Variants in ZNF236 observed in about 807,000 individuals in gnomAD.
ZNF236 encodes the protein zinc finger protein 236.
Under a neutral mutation model 191.2 loss-of-function variants are expected in ZNF236, and 50 were observed. The observed-to-expected ratio is 0.26, with a 90% confidence interval of 0.21 to 0.33. ZNF236 has a LOEUF of 0.33. Among genes scored for constraint, ZNF236 ranks in the 10% least tolerant of loss-of-function variants. ZNF236 has a pLI of 1.00. For missense variants in ZNF236, 1,754 were observed against 2,374.5 expected, an observed-to-expected ratio of 0.74 and a Z score of 5.43; for synonymous variants, 907 against 928.8, an observed-to-expected ratio of 0.98 and a Z score of 0.43.
chr18:76,905,566 A>AAAAAG, intron 13 of ZNF236, 151 bp downstream of exon 13: 1 of 76,022 alleles, frequency 1.3e-5, no homozygotes, highest in Non-Finnish European at 2.0e-5. Flanking sequence ...AAAAAAAAAA[A>AAAAAG]AAAAGAAATG....
intron 26 of ZNF236, among the ~76,000 whole-genome samples, chr18:76,943,926 A>G (rs1333760698): frequency 1.3e-5 from 2 of 152,358 alleles, no homozygotes; most frequent in Non-Finnish European, 2.9e-5. Context: ...AACTGCTAAG[A>G]AAAATATTTC....
chr18:76,912,401 C>A, intron 17 of ZNF236, 54 bp downstream of exon 17: 1 of 1,378,986 alleles, frequency 7.3e-7, no homozygotes, highest in Non-Finnish European at 1.0e-6. Context: ...GGAACGGATG[C>A]TGCTGTGTGT....
rs761868628 is a variant in ZNF236 at position 76,956,081 on chromosome 18, G to A, written c.5011G>A (p.Ala1671Thr). The change falls in exon 28 of 31, where the codon GCG becomes ACG. Residue 1671 changes from alanine (A) to threonine (T), a missense_variant. Around this residue, in one of 5 missense-constraint regions of ZNF236, gnomAD observed 606 missense variants for 761.5 expected, o/e 0.80. Transcript: ENST00000320610. ...CLECDRAFSS[A>T]AVLMHHSKEV... ...GGAGTGTGACCGCGCCTTCTCATCGGCGGCGGTGCTCATGCACCACAGCAA... is the reference window on the plus strand; with the variant it reads ...GGAGTGTGACCGCGCCTTCTCATCGACGGCGGTGCTCATGCACCACAGCAA... 8 of 1,597,594 alleles carry A rather than the reference G, an allele frequency of 5.0e-6. No homozygotes were observed. The highest frequency in any genetic ancestry group is 6.0e-6 in the Non-Finnish European group (7 of 1,173,206).
At chr18:76,841,478 T>G (rs917172510) in intron 1 of ZNF236, among the ~76,000 whole-genome samples, 1 of 152,254 alleles carries the variant, frequency 6.6e-6, no homozygotes, top group African/African-American at 2.4e-5. Context: ...ATGTCACAGT[T>G]TATTTCATAC....
In ZNF236 at chr18:76,849,617, A is replaced by G. The variant is rs1261947085; in HGVS notation, c.147A>G (p.Pro49=). 1.9e-6 allele frequency: 3 copies of G among 1,609,784 alleles called. No homozygotes were observed. The highest frequency in any genetic ancestry group is 2.5e-6 in the Non-Finnish European group (3 of 1,178,918). Residue 49 remains proline (P), a synonymous_variant, in exon 2 of 31, where the codon CCA becomes CCG. Transcript: ENST00000320610. The stretch of plus-strand genomic sequence containing the variant: ...GTGAAATCTGTCTACTATCTTTTCC[A>G]AAAGAATCCCAGTTTCAACGCCACA... The part of the protein sequence containing the change: ...HKCEICLLSF[P]KESQFQRHMR...
At chr18:76,839,909 C>T (rs2122447459) in intron 1 of ZNF236, among the ~76,000 whole-genome samples, 1 of 152,268 alleles carries the variant, frequency 6.6e-6, no homozygotes, top group East Asian at 1.9e-4. Context: ...GTTTTTTGCA[C>T]TGTCAATGGA....
At chr18:76,968,137 A>ACT in intron 30 of ZNF236, 78 bp from the exon 31 acceptor site, 1 of 1,548,008 alleles carries the variant, frequency 6.5e-7, no homozygotes, top group Non-Finnish European at 8.8e-7. Context: ...TTCTACCAGA[A>ACT]AGTCTTTATT....
At chr18:76,951,151 A>G (rs2122931736) in intron 27 of ZNF236, among the ~76,000 whole-genome samples, 1 of 152,310 alleles carries the variant, frequency 6.6e-6, no homozygotes, top group East Asian at 1.9e-4. Flanking sequence ...GGGCCTTAGG[A>G]TTTTTGGAAT....
chr18:76,956,506 G>C (rs1296480060), intron 28 of ZNF236, among the ~76,000 whole-genome samples: 1 of 151,960 alleles, frequency 6.6e-6, no homozygotes, highest in Non-Finnish European at 1.5e-5. Flanking sequence ...GGAAACAGAG[G>C]CTCGCTCACG....
chr18:76,915,498 CTT>C (rs5826484), intron 18 of ZNF236, 147 bp from the exon 19 acceptor site: 40,345 of 599,626 alleles, frequency 0.067, no homozygotes, highest in East Asian at 0.11. Flanking sequence ...TTGTAATTTA[CTT>C]TTTTTTTTTT....
chr18:76,907,669 A>G (rs1481057084), intron 13 of ZNF236, among the ~76,000 whole-genome samples: 3 of 150,214 alleles, frequency 2.0e-5, no homozygotes. Flanking sequence ...CCAGCCTGTT[A>G]GTCAGATAAT....
At chr18:76,914,022 A>C (rs1210742468) in intron 18 of ZNF236, 124 bp downstream of exon 18, 1 of 1,078,628 alleles carries the variant, frequency 9.3e-7, no homozygotes. Context: ...TAGTATGTTC[A>C]TAGAGTTCTG....
At chr18:76,939,224 T>C (rs1007896560) in intron 26 of ZNF236, among the ~76,000 whole-genome samples, 3 of 151,974 alleles carry the variant, frequency 2.0e-5, no homozygotes, top group African/African-American at 7.3e-5. Context: ...TTCCAGCTAC[T>C]TGGGAGTCTG....
intron 3 of ZNF236, among the ~76,000 whole-genome samples, chr18:76,861,117 G>A (rs953564590): frequency 1.3e-5 from 2 of 152,214 alleles, no homozygotes; most frequent in African/African-American, 4.8e-5. Flanking sequence ...AGGCCTCATT[G>A]TGCTTGTTCT....
At chr18:76,895,746 C>T (rs1393528097) in intron 10 of ZNF236, among the ~76,000 whole-genome samples, 1 of 152,014 alleles carries the variant, frequency 6.6e-6, no homozygotes, top group Non-Finnish European at 1.5e-5. Context: ...TGCACCCACA[C>T]AGGCATTGCC....
chr18:76,848,049 G>A (rs1221331572), intron 1 of ZNF236, among the ~76,000 whole-genome samples: 1 of 152,168 alleles, frequency 6.6e-6, no homozygotes, highest in Non-Finnish European at 1.5e-5. Context: ...CCTCCACCCT[G>A]TCTCTGTGCC....
At position 76,925,575 on chromosome 18, in the gene ZNF236, A is replaced by C; in HGVS notation, c.4027+21A>C. 6.2e-7 allele frequency: 1 copy of C among 1,605,532 alleles called. No individual in the cohort carries two copies. Among genetic ancestry groups the C allele is most frequent in the African/African-American group, 1.3e-5 (1 of 75,040 alleles). On this transcript the variant is annotated intron_variant, in intron 22 of 30. Transcript: ENST00000320610. This position sits in a 1 kb window ranked among gnomAD's most constrained non-coding sequence, Gnocchi z 5.7. Reference sequence around the variant, plus strand: ...GTCAGGTAAACGCTGAGCCGAGGGAATGAGAGCAGCACAGTGATTGAACTG... The same window carrying C: ...GTCAGGTAAACGCTGAGCCGAGGGACTGAGAGCAGCACAGTGATTGAACTG...
chr18:76,906,500 C>T (rs1304341408), intron 13 of ZNF236, among the ~76,000 whole-genome samples: 1 of 152,118 alleles, frequency 6.6e-6, no homozygotes, highest in Non-Finnish European at 1.5e-5. Context: ...CCAGTTGGCC[C>T]AAGAGCTTAC....
At chr18:76,954,320 T>C (rs1356419084) in intron 27 of ZNF236, among the ~76,000 whole-genome samples, 1 of 152,240 alleles carries the variant, frequency 6.6e-6, no homozygotes. Flanking sequence ...AAATGTTTGG[T>C]TCAGAAACAA....
Sources: gnomAD v4.1 joint callset for allele counts (sites outside exome capture counted in the v4.1 genomes callset) on GRCh38, gnomAD v4.1.1 for gene constraint, gnomAD v4.1.1 regional missense constraint, Gnocchi (gnomAD v3.1) non-coding constraint, MANE v1.5 for transcripts, NCBI Gene and HGNC (gene_info 2026-07-23, HGNC 2026-07-21) for gene names.